IGF2BP3: variants seen among roughly 807,000 people sequenced by gnomAD.
IGF2BP3 encodes the protein insulin-like growth factor 2 mRNA-binding protein 3.
A neutral mutation model predicts 73.8 loss-of-function variants in IGF2BP3; 9 were observed. The ratio of observed to expected loss-of-function variants is 0.12; its 90% CI spans 0.07 to 0.21. IGF2BP3 has a LOEUF of 0.21. Among genes scored for constraint, IGF2BP3 ranks in the 10% least tolerant of loss-of-function variants. The probability of loss-of-function intolerance (pLI) is 1.00; values close to 1 mark genes in which losing one functional copy is unlikely to be tolerated. For synonymous variants in IGF2BP3, 258 were observed against 256.7 expected (o/e 1.01, Z -0.05); for missense variants, 542 against 714.0 (o/e 0.76, Z 2.75).
At chr7:23,350,943 T>A (rs1288005779) in intron 6 of IGF2BP3, among the ~76,000 whole-genome samples, 1 of 152,116 alleles carries the variant, frequency 6.6e-6, no homozygotes, top group African/African-American at 2.4e-5. Flanking sequence ...ATAAAATGGA[T>A]TGGACCCAGA....
At chr7:23,343,479 C>T (rs1784759763) in intron 9 of IGF2BP3, among the ~76,000 whole-genome samples, 1 of 152,156 alleles carries the variant, frequency 6.6e-6, no homozygotes, top group Non-Finnish European at 1.5e-5. Context: ...AGCCTTACTT[C>T]AGACAGAAGG....
At chr7:23,426,128 A>G (rs748419426) in intron 2 of IGF2BP3, among the ~76,000 whole-genome samples, 5 of 151,860 alleles carry the variant, frequency 3.3e-5, no homozygotes, top group Non-Finnish European at 7.4e-5. Context: ...GGAGTTTGAG[A>G]CCAGCCTGGC....
chr7:23,313,980 A>G (rs1653569304), intron 12 of IGF2BP3, among the ~76,000 whole-genome samples: 1 of 152,226 alleles, frequency 6.6e-6, no homozygotes, highest in African/African-American at 2.4e-5. Context: ...AAATTGTGAT[A>G]GGTAAAACTT....
intron 10 of IGF2BP3, among the ~76,000 whole-genome samples, chr7:23,321,114 T>C (rs1436174756): frequency 6.6e-6 from 1 of 152,164 alleles, no homozygotes; most frequent in Non-Finnish European, 1.5e-5. Context: ...GCTCCCAGCG[T>C]GAGCGATGCA....
intron 3 of IGF2BP3, among the ~76,000 whole-genome samples, chr7:23,386,885 G>A (rs1290568097): frequency 2.0e-5 from 3 of 152,026 alleles, no homozygotes; most frequent in Non-Finnish European, 2.9e-5. Flanking sequence ...TGGCCAATAT[G>A]GTGAAACCCC....
At chr7:23,317,161 A>C (rs1784014038) in intron 12 of IGF2BP3, among the ~76,000 whole-genome samples, 1 of 152,208 alleles carries the variant, frequency 6.6e-6, no homozygotes, top group Non-Finnish European at 1.5e-5. Context: ...ACCAGAACAA[A>C]TGCTACAAGA....
chr7:23,460,178 C>CTAAAAAAA (rs1788412402), intron 2 of IGF2BP3, among the ~76,000 whole-genome samples: 1 of 55,178 alleles, frequency 1.8e-5, no homozygotes, highest in Non-Finnish European at 3.3e-5. Flanking sequence ...GACCCTGCCT[C>CTAAAAAAA]AAAAAAAAAA....
At chr7:23,394,957 C>T (rs868156881) in intron 3 of IGF2BP3, among the ~76,000 whole-genome samples, 2 of 152,184 alleles carry the variant, frequency 1.3e-5, no homozygotes, top group African/African-American at 2.4e-5. Flanking sequence ...GTGCACAGAA[C>T]ATGCTCAGAA....
intron 2 of IGF2BP3, among the ~76,000 whole-genome samples, chr7:23,425,285 C>T (rs1432640410): frequency 1.3e-5 from 2 of 152,220 alleles, no homozygotes; most frequent in East Asian, 3.8e-4. Context: ...GGTCCAAAGT[C>T]ATAAAATACT....
chr7:23,431,544 C>CAGAG (rs1029459888), intron 2 of IGF2BP3, among the ~76,000 whole-genome samples: 3 of 151,376 alleles, frequency 2.0e-5, no homozygotes, highest in Non-Finnish European at 2.9e-5. Flanking sequence ...AGTGGATTAA[C>CAGAG]AGAGGGTCAC....
chr7:23,326,303 C>A (rs368805585), intron 10 of IGF2BP3, among the ~76,000 whole-genome samples: 8 of 152,104 alleles, frequency 5.3e-5, no homozygotes, highest in Middle Eastern at 3.2e-3. Flanking sequence ...GCAGCCAAAA[C>A]ACACATGAAA....
chr7:23,374,816 G>A (rs912484591), intron 3 of IGF2BP3, among the ~76,000 whole-genome samples: 1 of 152,102 alleles, frequency 6.6e-6, no homozygotes, highest in Non-Finnish European at 1.5e-5. Context: ...GAGAAATAAA[G>A]GGACAGAGTA....
At chr7:23,437,992 G>A (rs1453288728) in intron 2 of IGF2BP3, among the ~76,000 whole-genome samples, 1 of 152,198 alleles carries the variant, frequency 6.6e-6, no homozygotes, top group East Asian at 1.9e-4. Context: ...CTTTATCTTA[G>A]ATGAATACTA....
chr7:23,318,033 C>G (rs1014460716), intron 11 of IGF2BP3, among the ~76,000 whole-genome samples: 4 of 152,168 alleles, frequency 2.6e-5, no homozygotes, highest in African/African-American at 9.7e-5. Flanking sequence ...ATTGAGTTAT[C>G]TGGACCATGA....
At chr7:23,426,498 G>A (rs759035911) in intron 2 of IGF2BP3, among the ~76,000 whole-genome samples, 2 of 152,038 alleles carry the variant, frequency 1.3e-5, no homozygotes, top group Non-Finnish European at 2.9e-5. Context: ...ATCCATATGT[G>A]GCATTTGCTT....
intron 3 of IGF2BP3, among the ~76,000 whole-genome samples, chr7:23,369,750 C>A (rs1234398899): frequency 1.3e-5 from 2 of 151,930 alleles, no homozygotes; most frequent in South Asian, 2.1e-4. Context: ...TGTCTTTGAC[C>A]TGCAACGTGA....
chr7:23,463,895 A>C (rs991696232), intron 2 of IGF2BP3, among the ~76,000 whole-genome samples: 8 of 152,350 alleles, frequency 5.3e-5, no homozygotes, highest in African/African-American at 1.7e-4. Context: ...CGCTGATCTT[A>C]AACTGAGCAC....
intron 10 of IGF2BP3, among the ~76,000 whole-genome samples, chr7:23,325,491 T>C (rs1447919554): frequency 7.2e-5 from 11 of 152,114 alleles, no homozygotes; most frequent in African/African-American, 1.9e-4. Flanking sequence ...AAAATGGCCA[T>C]AGTGCCCAAG....
At chr7:23,450,864 G>C (rs1479745104) in intron 2 of IGF2BP3, 1 of 152,188 alleles carries the variant, frequency 6.6e-6, no homozygotes, top group Non-Finnish European at 1.5e-5. Context: ...AACATAGTGA[G>C]ATCCTGTCTC....
Sources: gnomAD v4.1 joint callset for allele counts (sites outside exome capture counted in the v4.1 genomes callset) on GRCh38, gnomAD v4.1.1 for gene constraint, MANE v1.5 for transcripts, NCBI Gene and HGNC (gene_info 2026-07-23, HGNC 2026-07-21) for gene names.